MICAL2: variants seen among roughly 807,000 people sequenced by gnomAD.
MICAL2 encodes the protein microtubule associated monooxygenase, calponin and LIM domain containing 2.
A neutral mutation model predicts 127.3 loss-of-function variants in MICAL2; 77 were observed. The ratio of observed to expected loss-of-function variants is 0.60; its 90% CI spans 0.50 to 0.73. The LOEUF (loss-of-function observed/expected upper bound fraction) is 0.73, where lower values mean the gene tolerates loss of function less well. Ranked by LOEUF, MICAL2 falls within the 30% of genes least tolerant of loss-of-function variation. The pLI is 0.00. For missense variants in MICAL2, 1,351 were observed against 1,434.4 expected, an observed-to-expected ratio of 0.94 and a Z score of 0.94; for synonymous variants, 570 against 551.1, an observed-to-expected ratio of 1.03 and a Z score of -0.48.
At chr11:12,170,785 A>G (rs934684382) in intron 3 of MICAL2, among the ~76,000 whole-genome samples, 1 of 151,942 alleles carries the variant, frequency 6.6e-6, no homozygotes, top group Non-Finnish European at 1.5e-5. Flanking sequence ...CTCTGGTCCT[A>G]TTGCTATCTT....
In MICAL2 at chr11:12,226,317, T is replaced by C. The variant is rs747197740; in HGVS notation, c.1835T>C (p.Met612Thr). The change falls in exon 14 of 28, where the codon ATG becomes ACG. Residue 612 changes from methionine to threonine, a missense_variant. Around this residue, in one of 2 missense-constraint regions of MICAL2, gnomAD observed 752 missense variants for 719.4 expected, o/e 1.05. Coordinates refer to ENST00000683283, the MANE Select transcript of MICAL2 (RefSeq NM_001282663.2). ...GAGCCTGACAAGCTCAGCATGGTCA[T>C]GTACCTCTCCAAGTTCTACGAGCTC... ...AQEPDKLSMV[M>T]YLSKFYELFR... The C allele has an allele frequency of 3.1e-6, 5 of 1,614,210 alleles. No homozygotes were observed. The South Asian group carries it at 3.3e-5, about 11-fold the overall frequency.
intron 1 of MICAL2, among the ~76,000 whole-genome samples, chr11:12,279,620 G>A (rs1161420377): frequency 6.6e-6 from 1 of 152,194 alleles, no homozygotes; most frequent in African/African-American, 2.4e-5. Flanking sequence ...AAGTCCAAGG[G>A]TGGTCCTCAT....
chr11:12,209,102 C>A (rs1855106508), intron 5 of MICAL2, among the ~76,000 whole-genome samples: 1 of 152,180 alleles, frequency 6.6e-6, no homozygotes, highest in South Asian at 2.1e-4. Flanking sequence ...GGTTTCCTTA[C>A]ACCCTACATA....
chr11:12,267,412 G>T (rs190266853), downstream of MICAL2, among the ~76,000 whole-genome samples: 74 of 152,152 alleles, frequency 4.9e-4, no homozygotes, highest in Non-Finnish European at 5.9e-5. Context: ...AGTCATTCTT[G>T]ACTCTTCTTT....
intron 17 of MICAL2, among the ~76,000 whole-genome samples, chr11:12,239,891 G>T (rs1218527262): frequency 1.3e-5 from 2 of 152,246 alleles, no homozygotes; most frequent in Non-Finnish European, 2.9e-5. Flanking sequence ...ACAGGAGCAG[G>T]CCAGGTATGG....
intron 14 of MICAL2, among the ~76,000 whole-genome samples, chr11:12,226,651 GTTTTT>G (rs202072260): frequency 1.6e-5 from 2 of 126,366 alleles, no homozygotes; most frequent in Non-Finnish European, 1.6e-5. Context: ...TTTGTTTTTG[GTTTTT>G]TTTTTTTTTT....
chr11:12,214,718 G>A (rs1175692497), intron 7 of MICAL2, among the ~76,000 whole-genome samples: 1 of 152,106 alleles, frequency 6.6e-6, no homozygotes, highest in Non-Finnish European at 1.5e-5. Flanking sequence ...TTGTCGCCCA[G>A]CCATGTCCAT....
intron 3 of MICAL2, among the ~76,000 whole-genome samples, chr11:12,185,233 G>T (rs933307216): frequency 6.7e-6 from 1 of 149,830 alleles, no homozygotes; most frequent in Non-Finnish European, 1.5e-5. Context: ...GGTTGGATGG[G>T]TGGGTAAGTA....
At chr11:12,255,816 G>A in intron 23 of MICAL2, 66 bp downstream of exon 23, 1 of 1,337,092 alleles carries the variant, frequency 7.5e-7, no homozygotes, top group Non-Finnish European at 1.1e-6. Context: ...GCGGGCACAT[G>A]GGATGTCGAG....
At chr11:12,207,910 T>C (rs1854939430) in intron 4 of MICAL2, 113 bp from the exon 5 acceptor site, 3 of 783,494 alleles carry the variant, frequency 3.8e-6, no homozygotes, top group Admixed American at 1.9e-5. Flanking sequence ...TGATCATTGT[T>C]GGTATACTGC....
intron 3 of MICAL2, among the ~76,000 whole-genome samples, chr11:12,193,350 A>G (rs7940030): frequency 0.97 from 147,509 of 152,312 alleles, 71,634 homozygotes; most frequent in Non-Finnish European, 1. Context: ...CAGATAAGTA[A>G]TCTCTCCCTT....
At chr11:12,218,495 CT>C (rs1421934990) in intron 8 of MICAL2, among the ~76,000 whole-genome samples, 2 of 152,220 alleles carry the variant, frequency 1.3e-5, no homozygotes, top group Non-Finnish European at 2.9e-5. Context: ...ACTGTCTTCA[CT>C]GTGTAATGTC....
intron 18 of MICAL2, among the ~76,000 whole-genome samples, 159 bp downstream of exon 18, chr11:12,241,321 G>A (rs955833882): frequency 1.3e-5 from 2 of 152,168 alleles, no homozygotes; most frequent in Non-Finnish European, 2.9e-5. Context: ...GAATAACCAA[G>A]TATGCAACAT....
chr11:12,350,957 T>C (rs949154584), intron 33 of MICAL2, among the ~76,000 whole-genome samples: 2 of 152,174 alleles, frequency 1.3e-5, no homozygotes, highest in Admixed American at 1.3e-4. Flanking sequence ...CTCCAGGCTT[T>C]CCTGAGTTTG....
At position 12,204,471 on chromosome 11, in the gene MICAL2, A is replaced by G. The variant is rs1419929811; in HGVS notation, c.472+14A>G. On this transcript the variant is annotated intron_variant, in intron 4 of 27. Coordinates refer to ENST00000683283, the MANE Select transcript of MICAL2 (RefSeq NM_001282663.2). ...TCGACCATATCAGTGAGTGGAGTCT[A>G]TGGTGATATCCCATGAAGGGAGGGG... 88 of 1,612,544 alleles carry G rather than the reference A, an allele frequency of 5.5e-5. No homozygotes were observed. Among genetic ancestry groups the G allele is most frequent in the Non-Finnish European group, 7.1e-5 (84 of 1,178,716 alleles).
chr11:12,293,487 T>G, downstream of MICAL2: 395 of 1,480,704 alleles, frequency 2.7e-4, no homozygotes, highest in Non-Finnish European at 3.2e-4. Flanking sequence ...GGTTGTAGAT[T>G]GAGATTTGCT....
chr11:12,208,108 T>A lies in MICAL2; in HGVS notation c.558T>A (p.Val186=), dbSNP rs2279390. 6.2e-7 allele frequency: 1 copy of A among 1,612,510 alleles called. No homozygotes were observed. Among genetic ancestry groups the A allele is most frequent in the Non-Finnish European group, 8.5e-7 (1 of 1,178,822 alleles). ...ATGTGAATGTGGAGTTCGTGAAGGT[T>A]CTAGAGCCTCCTGAAGATCAAGAAA... The part of the protein sequence containing the change: ...EIHVNVEFVK[V]LEPPEDQENQ... Residue 186 remains valine, a synonymous_variant, in exon 5 of 28, where the codon GTT becomes GTA. Transcript: ENST00000683283.
rs777940637 is a variant in MICAL2 at position 12,213,336 on chromosome 11, C to T, written c.773C>T (p.Ala258Val). The T allele has an allele frequency of 6.2e-7, 1 of 1,613,950 alleles. No homozygotes were observed. The highest frequency in any genetic ancestry group is 1.3e-5 in the African/African-American group (1 of 74,920). The change falls in exon 7 of 28, where the codon GCC becomes GTC. Residue 258 changes from alanine (A) to valine (V), a missense_variant. Ala to Val is a moderately conservative substitution (Grantham distance 64). Transcript: ENST00000683283. ...NFINRNSTAE[A>V]KVEEISGVAF... ...ATAAACAGAAACAGCACAGCGGAAG[C>T]CAAGGTGGAAGAGATTAGTGGTGTG...
chr11:12,126,073 A>C (rs1346382119), intron 1 of MICAL2, among the ~76,000 whole-genome samples: 1 of 152,254 alleles, frequency 6.6e-6, no homozygotes, highest in Non-Finnish European at 1.5e-5. Context: ...GCCCTCCTGC[A>C]GAGCCTGGCA....
Sources: gnomAD v4.1 joint callset for allele counts (sites outside exome capture counted in the v4.1 genomes callset) on GRCh38, gnomAD v4.1.1 for gene constraint, gnomAD v4.1.1 regional missense constraint, MANE v1.5 for transcripts, NCBI Gene and HGNC (gene_info 2026-07-23, HGNC 2026-07-21) for gene names.